Variants in KCNC1 observed in about 807,000 individuals in gnomAD.
KCNC1 encodes potassium voltage-gated channel subfamily C member 1.
In KCNC1, 8 loss-of-function variants were observed where a neutral mutation model predicts 43.4. The ratio of observed to expected loss-of-function variants is 0.18; its 90% CI spans 0.11 to 0.33. The LOEUF (loss-of-function observed/expected upper bound fraction) is 0.33, where lower values mean the gene tolerates loss of function less well. Among genes scored for constraint, KCNC1 ranks in the 10% least tolerant of loss-of-function variants. KCNC1 has a pLI of 1.00. For synonymous variants in KCNC1, 361 were observed against 360.5 expected, an observed-to-expected ratio of 1.00 and a Z score of -0.01; for missense variants, 420 against 836.0, an observed-to-expected ratio of 0.50 and a Z score of 6.14.
intron 1 of KCNC1, among the ~76,000 whole-genome samples, chr11:17,753,900 G>C (rs572919692): frequency 2.0e-5 from 3 of 152,352 alleles, no homozygotes; most frequent in East Asian, 1.9e-4. Flanking sequence ...TCCAGTGCCA[G>C]TTCTGCCCCG....
chr11:17,763,807 AC>A (rs1242599041), intron 1 of KCNC1, among the ~76,000 whole-genome samples: 1 of 126,364 alleles, frequency 7.9e-6, no homozygotes, highest in Non-Finnish European at 1.6e-5. Context: ...ACACACACAG[AC>A]CCCCACACAC....
Position 17,782,175 on chromosome 11 carries a change from G to C in KCNC1, c.*441G>C, listed in dbSNP as rs1355726534. On this transcript the variant is annotated 3_prime_UTR_variant, in exon 4 of 4. Coordinates refer to ENST00000265969, the MANE Select transcript of KCNC1 (RefSeq NM_001112741.2). ...CTGTAACGGCGTTCAGTAGAAACCT[G>C]TACATTTCTGGGGGTGAGGGGCGAG... The C allele has an allele frequency of 6.4e-6, 1 of 156,264 alleles. No individual in the cohort carries two copies. Among genetic ancestry groups the C allele is most frequent in the Non-Finnish European group, 1.4e-5 (1 of 71,074 alleles). The allele number at this position is 156,264 out of a possible 1,614,324, so 9.7% of individuals were successfully genotyped here. A position where few individuals can be genotyped will look rare whatever the true frequency, so the allele number is the denominator to read the frequency against.
chr11:17,781,575 C>CT lies in KCNC1; in HGVS notation c.1694-94dup. On this transcript the variant is annotated intron_variant, in intron 3 of 3. Coordinates refer to ENST00000265969, the MANE Select transcript of KCNC1 (RefSeq NM_001112741.2). The surrounding 1 kb of genome is among the most constrained non-coding windows in gnomAD (Gnocchi z 5.1). ...CTGCCTGCCTCTGCATGCGGCTGTT[C>CT]TGTCTTTCCTCCTCCTTCTTAAAAA... 1 of 888,074 alleles carries CT rather than the reference C, an allele frequency of 1.1e-6. No homozygotes were observed. Among genetic ancestry groups the CT allele is most frequent in the Non-Finnish European group, 1.8e-6 (1 of 554,662 alleles). The allele number at this position is 888,074 out of a possible 1,614,324, so 55.0% of individuals were successfully genotyped here.
intron 1 of KCNC1, among the ~76,000 whole-genome samples, chr11:17,765,206 G>A (rs1849134889): frequency 1.3e-5 from 2 of 152,208 alleles, no homozygotes; most frequent in Admixed American, 1.3e-4. Context: ...ACACTGGAAT[G>A]TTGGTCCCTG....
At chr11:17,764,862 T>C (rs1422344928) in intron 1 of KCNC1, among the ~76,000 whole-genome samples, 1 of 152,180 alleles carries the variant, frequency 6.6e-6, no homozygotes, top group East Asian at 1.9e-4. Flanking sequence ...CTAATTCAGT[T>C]TCTAAACCCA....
chr11:17,750,079 G>A (rs1439523943), intron 1 of KCNC1, among the ~76,000 whole-genome samples: 2 of 152,220 alleles, frequency 1.3e-5, no homozygotes, highest in East Asian at 1.9e-4. Context: ...CTGCCTCAGT[G>A]TGGACTCGGG....
At position 17,779,349 on chromosome 11, in the gene KCNC1, G is replaced by C. The variant is rs1044542247; in HGVS notation, c.1505-107G>C. 1 of 926,612 alleles carries C rather than the reference G, an allele frequency of 1.1e-6. No individual in the cohort carries two copies. Among genetic ancestry groups the C allele is most frequent in the African/African-American group, 1.7e-5 (1 of 58,884 alleles). The allele number at this position is 926,612 out of a possible 1,614,324, so 57.4% of individuals were successfully genotyped here. Reference sequence around the variant, plus strand: ...AGCCTGCCCGCTTTTCCGTCCTCAGGGACGCTCAAGCTGCCCTCTGCCAAT... The same window carrying C: ...AGCCTGCCCGCTTTTCCGTCCTCAGCGACGCTCAAGCTGCCCTCTGCCAAT... On this transcript the variant is annotated intron_variant, in intron 2 of 3. Transcript: ENST00000265969. The surrounding 1 kb of genome is among the most constrained non-coding windows in gnomAD (Gnocchi z 7.2).
chr11:17,775,309 A>G (rs942855396), intron 2 of KCNC1: 1 of 435,364 alleles, frequency 2.3e-6, no homozygotes. Context: ...GCCAGCCCCC[A>G]GTGGTGCCAG....
At chr11:17,745,829 A>T (rs1848892768) in intron 1 of KCNC1, among the ~76,000 whole-genome samples, 1 of 152,090 alleles carries the variant, frequency 6.6e-6, no homozygotes, top group Admixed American at 6.5e-5. Flanking sequence ...AGCCCAGATG[A>T]CACTTCTCCG....
Position 17,772,040 on chromosome 11 carries a change from G to A in KCNC1, c.946G>A (p.Val316Met), listed in dbSNP as rs1238808659. 2 of 1,612,768 alleles carry A rather than the reference G, an allele frequency of 1.2e-6. No homozygotes were observed. Among genetic ancestry groups the A allele is most frequent in the Non-Finnish European group, 8.5e-7 (1 of 1,179,894 alleles). The change falls in exon 2 of 4, where the codon GTG (valine) becomes ATG (methionine). Residue 316 changes from valine (V) to methionine (M), a missense_variant. Val to Met is a conservative substitution (Grantham distance 21). Transcript: ENST00000265969. ...VLGFLRVVRF[V>M]RILRIFKLTR... The stretch of plus-strand genomic sequence containing the variant: ...GGGCTTCCTGCGCGTCGTCCGCTTC[G>A]TGCGCATCTTGCGCATCTTTAAGCT...
intron 2 of KCNC1, chr11:17,775,281 T>TTGCCCC: frequency 1.4e-5 from 13 of 935,644 alleles, no homozygotes; most frequent in Non-Finnish European, 1.7e-5. Context: ...TCTGAGGGCA[T>TTGCCCC]CCCTCCCGCC....
rs571611994 is a variant in KCNC1, at chr11:17,753,715, G to A, written c.570+17143G>A. 5.3e-5 allele frequency among the ~76,000 whole-genome samples: 8 copies of A among 152,158 alleles called. No homozygotes were observed. The South Asian group carries it at 1.0e-3, about 20-fold the overall frequency. On this transcript the variant is annotated intron_variant, in intron 1 of 3. Transcript: ENST00000265969. ...GGCCCCGGCGTGGGGGGTGGGGAGGGGGCGGGTGGCAATGGGAGTCACACA... is the reference window on the plus strand; with the variant it reads ...GGCCCCGGCGTGGGGGGTGGGGAGGAGGCGGGTGGCAATGGGAGTCACACA...
intron 1 of KCNC1, among the ~76,000 whole-genome samples, chr11:17,747,199 A>G (rs887764044): frequency 2.0e-5 from 3 of 152,058 alleles, no homozygotes; most frequent in Non-Finnish European, 4.4e-5. Flanking sequence ...GGAGGCAGGC[A>G]TGGATTCTTG....
intron 1 of KCNC1, among the ~76,000 whole-genome samples, chr11:17,756,973 A>AT (rs1849029676): frequency 6.6e-6 from 1 of 152,058 alleles, no homozygotes; most frequent in Non-Finnish European, 1.5e-5. Flanking sequence ...TATGTGGGGG[A>AT]TTTTTGCACG....
In KCNC1 at chr11:17,736,330, C is replaced by A; in HGVS notation, c.328C>A (p.Arg110Ser). ...GGAGCCCTGCTGCTGGATGACGTAC[C>A]GCCAGCACCGCGACGCCGAGGAGGC... is the stretch of plus-strand genomic sequence containing the variant. ...DVEPCCWMTY[R>S]QHRDAEEALD... Residue 110 changes from arginine (R) to serine (S), a missense_variant, in exon 1 of 4, where the codon CGC becomes AGC. This residue lies in a region of KCNC1 where 22 missense variants were observed against 104.8 expected (regional missense o/e 0.21). Transcript: ENST00000265969. The surrounding 1 kb of genome is among the most constrained non-coding windows in gnomAD (Gnocchi z 9.3). The A allele has an allele frequency of 6.2e-7, 1 of 1,613,082 alleles. No homozygotes were observed. Among genetic ancestry groups the A allele is most frequent in the Non-Finnish European group, 8.5e-7 (1 of 1,179,850 alleles).
intron 1 of KCNC1, among the ~76,000 whole-genome samples, chr11:17,767,284 C>CAAAAA (rs71483495): frequency 7.3e-5 from 7 of 95,820 alleles, no homozygotes; most frequent in Admixed American, 1.3e-4. Context: ...GACTCCGTCT[C>CAAAAA]AAAAAAAAAA....
intron 1 of KCNC1, among the ~76,000 whole-genome samples, chr11:17,741,524 C>T (rs1410379244): frequency 6.6e-6 from 1 of 152,144 alleles, no homozygotes; most frequent in Non-Finnish European, 1.5e-5. Context: ...TCCCCTCAGG[C>T]TCACCTCCCC....
Position 17,736,557 on chromosome 11 carries a change from G to A in KCNC1, c.555G>A (p.Ser185=). 6.5e-7 allele frequency: 1 copy of A among 1,550,260 alleles called. No homozygotes were observed. Among genetic ancestry groups the A allele is most frequent in the Non-Finnish European group, 8.6e-7 (1 of 1,159,116 alleles). ...RIWALFEDPY[S]SRYARYVAFA... ...GGGCGCTCTTCGAGGACCCGTACTC[G>A]TCCCGCTACGCGCGGGTAAGTGACA... Residue 185 remains serine (S), a synonymous_variant, in exon 1 of 4, where the codon TCG becomes TCA. Transcript: ENST00000265969. This position sits in a 1 kb window ranked among gnomAD's most constrained non-coding sequence, Gnocchi z 9.3.
chr11:17,777,570 C>T lies in KCNC1; in HGVS notation c.1505-1886C>T, dbSNP rs1020576900. On this transcript the variant is annotated intron_variant, in intron 2 of 3. Transcript: ENST00000265969. The surrounding 1 kb of genome is among the most constrained non-coding windows in gnomAD (Gnocchi z 4.3). The stretch of plus-strand genomic sequence containing the variant: ...CAGGACCAGCGTGTCTGCGAGCACA[C>T]GTGTGTGCCTGCAGACATGCCCCAA... 28 of 985,748 alleles carry T rather than the reference C, an allele frequency of 2.8e-5. No individual in the cohort carries two copies. The highest frequency in any genetic ancestry group is 9.4e-5 in the South Asian group (2 of 21,290). 61.1% of individuals were successfully genotyped at this position (985,748 alleles called of 1,614,324 possible).
Sources: gnomAD v4.1 joint callset for allele counts (sites outside exome capture counted in the v4.1 genomes callset) on GRCh38, gnomAD v4.1.1 for gene constraint, gnomAD v4.1.1 regional missense constraint, Gnocchi (gnomAD v3.1) non-coding constraint, MANE v1.5 for transcripts, NCBI Gene and HGNC (gene_info 2026-07-23, HGNC 2026-07-21) for gene names.